TTC28: variants seen among roughly 807,000 people sequenced by gnomAD.
TTC28 encodes tetratricopeptide repeat protein 28.
Under a neutral mutation model 198.0 loss-of-function variants are expected in TTC28, and 61 were observed. The observed-to-expected ratio is 0.31, with a 90% CI of 0.25 to 0.38. The LOEUF is 0.38. Among genes scored for constraint, TTC28 ranks in the 10% least tolerant of loss-of-function variants. TTC28 has a pLI of 1.00. For missense variants in TTC28, 2,678 were observed against 3,164.0 expected, an observed-to-expected ratio of 0.85 and a Z score of 3.69; for synonymous variants, 1,171 against 1,297.8, an observed-to-expected ratio of 0.90 and a Z score of 2.10.
chr22:28,101,126 G>A (rs941532669), intron 9 of TTC28, 45 bp downstream of exon 9: 126 of 1,419,672 alleles, frequency 8.9e-5, no homozygotes, highest in Non-Finnish European at 1.2e-4. Context: ...AGTCTCCCAT[G>A]CTTCTGGAAA....
intron 2 of TTC28, among the ~76,000 whole-genome samples, chr22:28,475,702 T>C (rs2048154590): frequency 6.6e-6 from 1 of 152,178 alleles, no homozygotes; most frequent in Non-Finnish European, 1.5e-5. Context: ...ACTGAATAAA[T>C]GACAAATTAA....
intron 1 of TTC28, among the ~76,000 whole-genome samples, chr22:28,643,716 T>C (rs562941873): frequency 9.2e-5 from 14 of 152,366 alleles, no homozygotes; most frequent in African/African-American, 3.1e-4. Context: ...ATTTTGTTAC[T>C]GTAGGTTTTC....
At chr22:28,636,264 T>C (rs1159629782) in intron 1 of TTC28, among the ~76,000 whole-genome samples, 1 of 147,486 alleles carries the variant, frequency 6.8e-6, no homozygotes, top group African/African-American at 2.5e-5. Context: ...TAGCTGGGAC[T>C]ACAGGTGCCC....
At chr22:28,263,844 T>C (rs938710279) in intron 5 of TTC28, among the ~76,000 whole-genome samples, 6 of 152,006 alleles carry the variant, frequency 3.9e-5, no homozygotes, top group African/African-American at 9.7e-5. Context: ...TAGTAAATGA[T>C]AGTGGAAAGG....
At chr22:28,605,180 C>G (rs767237718) in intron 2 of TTC28, among the ~76,000 whole-genome samples, 9 of 152,164 alleles carry the variant, frequency 5.9e-5, no homozygotes, top group Admixed American at 3.3e-4. Context: ...GTAGTTGTTT[C>G]TATCCCACAA....
At chr22:28,054,643 T>C (rs1411057100) in intron 12 of TTC28, among the ~76,000 whole-genome samples, 2 of 152,136 alleles carry the variant, frequency 1.3e-5, no homozygotes, top group Non-Finnish European at 2.9e-5. Context: ...ACGCCCTCCC[T>C]GTGTGGGCTC....
intron 2 of TTC28, among the ~76,000 whole-genome samples, chr22:28,336,514 G>A (rs183766343): frequency 6.6e-6 from 1 of 152,152 alleles, no homozygotes; most frequent in East Asian, 1.9e-4. Context: ...CTCAATTTGA[G>A]AGCCTGTTAT....
intron 13 of TTC28, among the ~76,000 whole-genome samples, chr22:28,018,298 T>TGTGTGTGTGCGCGC (rs1938455721): frequency 2.6e-5 from 1 of 38,642 alleles, no homozygotes; most frequent in African/African-American, 1.1e-4. Flanking sequence ...CGCGCGTGTG[T>TGTGTGTGTGCGCGC]GCGCGCGCGG....
At chr22:28,379,680 G>C (rs2046466294) in intron 2 of TTC28, among the ~76,000 whole-genome samples, 1 of 152,152 alleles carries the variant, frequency 6.6e-6, no homozygotes. Flanking sequence ...GCAAGATGAA[G>C]AGTTGTGGAG....
At chr22:28,637,706 CA>C (rs1422101876) in intron 1 of TTC28, among the ~76,000 whole-genome samples, 1 of 151,014 alleles carries the variant, frequency 6.6e-6, no homozygotes, top group Non-Finnish European at 1.5e-5. Flanking sequence ...AATCAAAAAA[CA>C]GAATGATTGA....
Position 28,281,271 on chromosome 22 carries a change from G to A in TTC28, c.933+14927C>T, listed in dbSNP as rs113214702. 9.1e-3 allele frequency among the ~76,000 whole-genome samples: 1,382 copies of A among 152,010 alleles called. 35 individuals are homozygous for A. The highest frequency in any genetic ancestry group is 0.082 in the East Asian group (426 of 5,180). ...TTGATATTGTCCCATAAGACACTGA[G>A]GCTCTTTTTATTCTTTTTAATCTAT... On this transcript the variant is annotated intron_variant, in intron 5 of 22. Coordinates refer to ENST00000397906, the MANE Select transcript of TTC28 (RefSeq NM_001145418.2).
intron 13 of TTC28, among the ~76,000 whole-genome samples, chr22:28,018,680 T>C (rs1938478507): frequency 6.6e-6 from 1 of 152,068 alleles, no homozygotes; most frequent in South Asian, 2.1e-4. Flanking sequence ...CTGGGACTGA[T>C]AGGCTCAGGG....
In TTC28 at chr22:28,602,101, G is replaced by A. The variant is rs144320531; in HGVS notation, c.381+27451C>T. Among the ~76,000 whole-genome samples the A allele has an allele frequency of 4.1e-3, 620 of 152,250 alleles. 18 individuals are homozygous for A. Among genetic ancestry groups the A allele is most frequent in the Admixed American group, 0.035 (541 of 15,292 alleles). ...CAATGAACTGCAGGTTAGGTACTAT[G>A]GGCAAAGGCTGACAGTCCAAAGGAA... On this transcript the variant is annotated intron_variant, in intron 2 of 22. Coordinates refer to ENST00000397906, the MANE Select transcript of TTC28 (RefSeq NM_001145418.2).
At chr22:28,538,190 TC>T (rs2049335535) in intron 2 of TTC28, among the ~76,000 whole-genome samples, 2 of 152,152 alleles carry the variant, frequency 1.3e-5, no homozygotes, top group African/African-American at 4.8e-5. Flanking sequence ...GCTCAAGTGA[TC>T]CTCCAGCCTC....
chr22:28,247,050 C>T lies in TTC28; in HGVS notation c.933+49148G>A, dbSNP rs116879509. Among the ~76,000 whole-genome samples the T allele has an allele frequency of 7.2e-5, 11 of 152,242 alleles. 1 individual carries two copies. In the South Asian group the frequency reaches 1.5e-3, roughly 20 times the overall value. ...AGATCTGTCTGACCCTGGGCAGTTA[C>T]GCCAAATATAAAAGAAAAATGATTA... is the stretch of plus-strand genomic sequence containing the variant. On this transcript the variant is annotated intron_variant, in intron 5 of 22. Coordinates refer to ENST00000397906, the MANE Select transcript of TTC28 (RefSeq NM_001145418.2).
chr22:28,238,924 A>G (rs1334090416), intron 5 of TTC28, among the ~76,000 whole-genome samples: 1 of 152,048 alleles, frequency 6.6e-6, no homozygotes, highest in Non-Finnish European at 1.5e-5. Context: ...TCCCCAAACT[A>G]ATATGTATTT....
At chr22:28,453,496 A>G (rs141616755) in intron 2 of TTC28, among the ~76,000 whole-genome samples, 1 of 152,260 alleles carries the variant, frequency 6.6e-6, no homozygotes, top group East Asian at 1.9e-4. Context: ...TCTAACACAC[A>G]TCTCAGACTT....
intron 6 of TTC28, among the ~76,000 whole-genome samples, chr22:28,116,479 G>A (rs1216532204): frequency 3.3e-5 from 5 of 152,214 alleles, no homozygotes; most frequent in Admixed American, 2.6e-4. Context: ...GCCACTGGGA[G>A]AGACTTGGTG....
intron 14 of TTC28, among the ~76,000 whole-genome samples, chr22:28,011,748 A>G (rs937480203): frequency 6.6e-6 from 1 of 152,102 alleles, no homozygotes; most frequent in Admixed American, 6.5e-5. Flanking sequence ...CCAGGAAGGT[A>G]AGGAGAAGAG....
Sources: gnomAD v4.1 joint callset for allele counts (sites outside exome capture counted in the v4.1 genomes callset) on GRCh38, gnomAD v4.1.1 for gene constraint, MANE v1.5 for transcripts, NCBI Gene and HGNC (gene_info 2026-07-23, HGNC 2026-07-21) for gene names.